Variants in ZNFX1 observed in about 807,000 individuals in gnomAD.
The protein encoded by ZNFX1 is zinc finger NFX1-type containing 1.
A neutral mutation model predicts 179.8 loss-of-function variants in ZNFX1; 78 were observed. The ratio of observed to expected loss-of-function variants is 0.43; its 90% confidence interval spans 0.36 to 0.52. The LOEUF (loss-of-function observed/expected upper bound fraction) is 0.52, where lower values mean the gene tolerates loss of function less well. Ranked by LOEUF, ZNFX1 falls within the 20% of genes least tolerant of loss-of-function variation. The probability of loss-of-function intolerance (pLI) is 0.00; values close to 1 mark genes in which losing one functional copy is unlikely to be tolerated. For synonymous variants in ZNFX1, 848 were observed against 868.5 expected, an observed-to-expected ratio of 0.98 and a Z score of 0.42; for missense variants, 1,927 against 2,386.6, an observed-to-expected ratio of 0.81 and a Z score of 4.01.
At chr20:49,269,172 A>G (rs970847527) in intron 3 of ZNFX1, among the ~76,000 whole-genome samples, 1 of 152,264 alleles carries the variant, frequency 6.6e-6, no homozygotes, top group Non-Finnish European at 1.5e-5. Flanking sequence ...AATACTATGC[A>G]GCTATGAAAA....
chr20:49,272,265 C>T (rs1032997698), intron 2 of ZNFX1, among the ~76,000 whole-genome samples: 1 of 151,406 alleles, frequency 6.6e-6, no homozygotes, highest in Non-Finnish European at 1.5e-5. Flanking sequence ...GCAACCTCTG[C>T]CTCCTAGGTT....
chr20:49,264,854 A>G lies in ZNFX1; in HGVS notation c.2013T>C (p.Asn671=), dbSNP rs1981199720. The G allele has an allele frequency of 2.5e-6, 4 of 1,614,024 alleles. No homozygotes were observed. In the South Asian group the frequency reaches 3.3e-5, roughly 13 times the overall value. Residue 671 remains asparagine (N), a synonymous_variant, in exon 5 of 14, where the codon AAT becomes AAC. Transcript: ENST00000396105. ...CCCGCACAATGCTGGTCTTCTGACA[A>G]TTGTAGATGCCTGTGGAACAAAGTG... ...ALDQFLEGIY[N]CQKTSIVRVG...
chr20:49,246,619 G>A lies in ZNFX1; in HGVS notation c.*648C>T. 1 of 321,516 alleles carries A rather than the reference G, an allele frequency of 3.1e-6. No individual in the cohort carries two copies. The allele number at this position is 321,516 out of a possible 1,614,324, so 19.9% of individuals were successfully genotyped here. A position where few individuals can be genotyped will look rare whatever the true frequency, so the allele number is the denominator to read the frequency against. ...ATCAATGAGCTCATACTCTGTTCCT[G>A]GGGAACAATGTAGAATAAACATCTG... On this transcript the variant is annotated 3_prime_UTR_variant, in exon 14 of 14. Coordinates refer to ENST00000396105, the MANE Select transcript of ZNFX1 (RefSeq NM_021035.3).
At chr20:49,252,197 A>G (rs1212726556) in intron 12 of ZNFX1, among the ~76,000 whole-genome samples, 1 of 149,002 alleles carries the variant, frequency 6.7e-6, no homozygotes, top group Non-Finnish European at 1.5e-5. Flanking sequence ...GCTGGAGTAC[A>G]GTGGCATGAT....
intron 2 of ZNFX1, among the ~76,000 whole-genome samples, chr20:49,275,113 ACT>A (rs1356923142): frequency 1.4e-5 from 2 of 147,188 alleles, no homozygotes; most frequent in Admixed American, 6.9e-5. Flanking sequence ...AAAGAGCGAG[ACT>A]CTGTCTCAAA....
chr20:49,260,203 C>T (rs1423564038), intron 7 of ZNFX1, among the ~76,000 whole-genome samples: 3 of 150,974 alleles, frequency 2.0e-5, no homozygotes, highest in Non-Finnish European at 4.4e-5. Flanking sequence ...AGAGGAGAAT[C>T]GCTTGAACCT....
At chr20:49,259,842 G>C (rs892484344) in intron 7 of ZNFX1, among the ~76,000 whole-genome samples, 6 of 152,110 alleles carry the variant, frequency 3.9e-5, no homozygotes, top group African/African-American at 1.4e-4. Context: ...TGACTTAATT[G>C]ATCCATCCAT....
chr20:49,260,355 G>A, intron 7 of ZNFX1, 108 bp downstream of exon 7: 1 of 538,966 alleles, frequency 1.9e-6, no homozygotes, highest in South Asian at 3.3e-5. Context: ...TTCTCTGATT[G>A]ACTCATAGCT....
At position 49,249,502 on chromosome 20, in the gene ZNFX1, C is replaced by T. The variant is rs142834498; in HGVS notation, c.3522G>A (p.Lys1174=). 1 of 1,614,242 alleles carries T rather than the reference C, an allele frequency of 6.2e-7. No individual in the cohort carries two copies. Among genetic ancestry groups the T allele is most frequent in the South Asian group, 1.1e-5 (1 of 91,084 alleles). Residue 1174 remains lysine (K), a synonymous_variant, in exon 14 of 14, where the codon AAG becomes AAA. Coordinates refer to ENST00000396105, the MANE Select transcript of ZNFX1 (RefSeq NM_021035.3). ...CATGGACCCTGACGCCAGCAAATGT[C>T]TTGGCAGGCATCAGTTTGCGCAGGC... The part of the protein sequence containing the change: ...LFCLRKLMPA[K]TFAGVRVHVV...
intron 3 of ZNFX1, among the ~76,000 whole-genome samples, chr20:49,268,835 C>A (rs150640059): frequency 0.017 from 2,633 of 151,770 alleles, 31 homozygotes; most frequent in Non-Finnish European, 0.026. Context: ...AATAAACAGT[C>A]AAAAAAAAGT....
In ZNFX1 at chr20:49,264,680, T is replaced by C. The variant is rs1981194357; in HGVS notation, c.2151+36A>G. On this transcript the variant is annotated intron_variant, in intron 5 of 13. Coordinates refer to ENST00000396105, the MANE Select transcript of ZNFX1 (RefSeq NM_021035.3). Reference sequence around the variant, plus strand: ...CACTGCTATCTTGTTTAGGTCCCTCTTGAACTACCCCAGATATTTCAGAGC... The same window carrying C: ...CACTGCTATCTTGTTTAGGTCCCTCCTGAACTACCCCAGATATTTCAGAGC... The C allele has an allele frequency of 2.5e-6, 4 of 1,609,316 alleles. No individual in the cohort carries two copies. The East Asian group carries it at 6.7e-5, about 27-fold the overall frequency.
Position 49,257,764 on chromosome 20 carries a change from C to T in ZNFX1, c.2417-100G>A, listed in dbSNP as rs902426362. 14 of 1,447,226 alleles carry T rather than the reference C, an allele frequency of 9.7e-6. No individual in the cohort carries two copies. The East Asian group carries it at 2.0e-4, about 21-fold the overall frequency. The allele number at this position is 1,447,226 out of a possible 1,614,324, so 89.6% of individuals were successfully genotyped here. On this transcript the variant is annotated intron_variant, in intron 7 of 13. Transcript: ENST00000396105. ...TTGCCCAGGGTGGAGTGCGGTGGTG[C>T]GATCTTGGCTCATTGCAACCTCTGC... is the stretch of plus-strand genomic sequence containing the variant.
chr20:49,269,991 C>G lies in ZNFX1; in HGVS notation c.1821G>C (p.Gln607His), dbSNP rs777163182. 8 of 1,613,668 alleles carry G rather than the reference C, an allele frequency of 5.0e-6. No individual in the cohort carries two copies. In the South Asian group the frequency reaches 8.8e-5, roughly 18 times the overall value. ...TAGCCAGTTCCCTTGTGAGAGCAAA[C>G]TGCAAGGCTTCCATCTGGGAGTCAT... Reference protein sequence around the residue: ...KLDDSQMEALQFALTRELAII... With the variant: ...KLDDSQMEALHFALTRELAII... Residue 607 changes from glutamine to histidine, a missense_variant, in exon 3 of 14, where the codon CAG (glutamine) becomes CAC (histidine). Coordinates refer to ENST00000396105, the MANE Select transcript of ZNFX1 (RefSeq NM_021035.3).
intron 2 of ZNFX1, among the ~76,000 whole-genome samples, chr20:49,275,567 G>A (rs1981536022): frequency 6.6e-6 from 1 of 152,078 alleles, no homozygotes; most frequent in Admixed American, 6.6e-5. Flanking sequence ...ATGTTGCCCA[G>A]GCTGGTCTCA....
In ZNFX1 at chr20:49,265,697, C is replaced by T. The variant is rs80100014; in HGVS notation, c.2002+438G>A. ...AAGGACCAATCCTCATCTAGGGTAG[C>T]GATACATAAAATAGATTATAAAAAA... On this transcript the variant is annotated intron_variant, in intron 4 of 13. Coordinates refer to ENST00000396105, the MANE Select transcript of ZNFX1 (RefSeq NM_021035.3). 8.2e-3 allele frequency among the ~76,000 whole-genome samples: 1,246 copies of T among 151,812 alleles called. 17 individuals are homozygous for T. The highest frequency in any genetic ancestry group is 0.029 in the African/African-American group (1,181 of 41,376).
Position 49,248,806 on chromosome 20 carries a change from G to A in ZNFX1, c.4218C>T (p.Leu1406=). The A allele has an allele frequency of 6.2e-7, 1 of 1,613,402 alleles. No homozygotes were observed. The highest frequency in any genetic ancestry group is 1.1e-5 in the South Asian group (1 of 91,060). ...TTACCGGTTGACTGTGCCCACACTT[G>A]AGTTTTATGGTGACCATTTCTGAAC... ...QLCSEMVTIK[L]KCGHSQPVKC... Residue 1406 remains leucine, a synonymous_variant, in exon 14 of 14, where the codon CTC becomes CTT. Transcript: ENST00000396105. This position sits in a 1 kb window ranked among gnomAD's most constrained non-coding sequence, Gnocchi z 4.6.
intron 6 of ZNFX1, 143 bp from the exon 7 acceptor site, chr20:49,260,720 C>T: frequency 1.8e-6 from 1 of 567,352 alleles, no homozygotes; most frequent in Non-Finnish European, 3.1e-6. Context: ...GGCAGGAAGA[C>T]TGCCTGAGCC....
chr20:49,270,155 C>G lies in ZNFX1; in HGVS notation c.1657G>C (p.Gly553Arg). The part of the protein sequence containing the change: ...VKEPRYLLMG[G>R]RYDFTPLIEN... ...ATTAAGGGGGTAAAGTCGTATCTGC[C>G]CCCCATTAGCAAGTACCTTGGCTCC... The change falls in exon 3 of 14, where the codon GGC becomes CGC. Residue 553 changes from glycine (G) to arginine (R), a missense_variant. Coordinates refer to ENST00000396105, the MANE Select transcript of ZNFX1 (RefSeq NM_021035.3). This position sits in a 1 kb window ranked among gnomAD's most constrained non-coding sequence, Gnocchi z 4.6. The G allele has an allele frequency of 6.2e-7, 1 of 1,614,034 alleles. No individual in the cohort carries two copies. Among genetic ancestry groups the G allele is most frequent in the Non-Finnish European group, 8.5e-7 (1 of 1,179,988 alleles).
intron 3 of ZNFX1, among the ~76,000 whole-genome samples, chr20:49,268,025 C>T (rs1981283033): frequency 6.6e-6 from 1 of 152,008 alleles, no homozygotes; most frequent in African/African-American, 2.4e-5. Context: ...AGGCGCCTGC[C>T]ACCATGCCCG....
Sources: allele counts gnomAD v4.1 joint callset (sites outside exome capture counted in the v4.1 genomes callset), GRCh38; gene constraint gnomAD v4.1.1; non-coding constraint Gnocchi (gnomAD v3.1); transcripts MANE v1.5; gene names NCBI Gene and HGNC (gene_info 2026-07-23, HGNC 2026-07-21).